ASNSD1: variants seen among roughly 807,000 people sequenced by gnomAD.
ASNSD1 encodes asparagine synthetase domain containing 1.
Under a neutral mutation model 48.3 loss-of-function variants are expected in ASNSD1, and 36 were observed. The observed-to-expected ratio is 0.75, with a 90% CI of 0.57 to 0.99. The LOEUF (loss-of-function observed/expected upper bound fraction) is 0.99, where lower values mean the gene tolerates loss of function less well. Among genes scored for constraint, ASNSD1 ranks in the 50% least tolerant of loss-of-function variants. ASNSD1 has a pLI of 0.00. For synonymous variants in ASNSD1, 257 were observed against 262.1 expected (o/e 0.98, Z 0.19); for missense variants, 714 against 758.2 (o/e 0.94, Z 0.69).
Position 189,661,473 on chromosome 2 carries a change from A to C in ASNSD1, c.-360A>C, listed in dbSNP as rs1284350146. Reference sequence around the variant, plus strand: ...GCGCATGCGCTGTGGCTAATGCCGTAGGCTCCTTCAGGGCTGAGCCATCCC... The same window carrying C: ...GCGCATGCGCTGTGGCTAATGCCGTCGGCTCCTTCAGGGCTGAGCCATCCC... On this transcript the variant is annotated 5_prime_UTR_variant, in exon 1 of 6. It removes the in-frame stop codon of an upstream open reading frame in the 5' UTR. Transcript: ENST00000260952. 2 of 399,080 alleles carry C rather than the reference A, an allele frequency of 5.0e-6. No individual in the cohort carries two copies. Among genetic ancestry groups the C allele is most frequent in the Admixed American group, 8.8e-5 (2 of 22,716 alleles). The allele number at this position is 399,080 out of a possible 1,614,324, so 24.7% of individuals were successfully genotyped here.
intron 1 of ASNSD1, among the ~76,000 whole-genome samples, 200 bp downstream of exon 1, chr2:189,661,810 GA>G (rs1402688880): frequency 6.6e-6 from 1 of 152,224 alleles, no homozygotes; most frequent in South Asian, 2.1e-4. Context: ...GGGAGATCTT[GA>G]AATTTGTCCC....
chr2:189,668,399 TC>T (rs2105688834), intron 5 of ASNSD1, among the ~76,000 whole-genome samples: 1 of 152,208 alleles, frequency 6.6e-6, no homozygotes, highest in East Asian at 1.9e-4. Context: ...TGCCTGTAGT[TC>T]CAGCTACTCG....
chr2:189,669,904 G>A (rs1206287637), intron 5 of ASNSD1, among the ~76,000 whole-genome samples: 1 of 152,122 alleles, frequency 6.6e-6, no homozygotes, highest in Non-Finnish European at 1.5e-5. Context: ...TTTACCATAA[G>A]TGTTTTGCAG....
chr2:189,669,812 A>C (rs1273388119), intron 5 of ASNSD1, among the ~76,000 whole-genome samples: 1 of 152,176 alleles, frequency 6.6e-6, no homozygotes, highest in East Asian at 1.9e-4. Flanking sequence ...AGGGGAAAAA[A>C]ATCTAATATT....
intron 3 of ASNSD1, 147 bp downstream of exon 3, chr2:189,665,598 GTATATATATA>G (rs869147580): frequency 0.086 from 1,235 of 14,434 alleles, 41 homozygotes; most frequent in African/African-American, 0.14. Context: ...ATATATATGT[GTATATATATA>G]TATATATATA....
intron 1 of ASNSD1, among the ~76,000 whole-genome samples, chr2:189,662,236 A>T (rs1191464126): frequency 6.6e-6 from 1 of 152,200 alleles, no homozygotes; most frequent in Non-Finnish European, 1.5e-5. Context: ...AAGCCAATAT[A>T]ATATAAGCCT....
intron 5 of ASNSD1, among the ~76,000 whole-genome samples, chr2:189,669,900 A>G (rs186012090): frequency 3.1e-4 from 47 of 152,320 alleles, no homozygotes; most frequent in African/African-American, 1.1e-3. Context: ...AAATTTTACC[A>G]TAAGTGTTTT....
rs755124047 is a variant in ASNSD1, at chr2:189,666,846, A to G, written c.714A>G (p.Glu238=). The G allele has an allele frequency of 1.2e-6, 2 of 1,614,138 alleles. No homozygotes were observed. The highest frequency in any genetic ancestry group is 3.3e-5 in the Admixed American group (2 of 60,026). The change falls in exon 4 of 6, where the codon GAA becomes GAG. Residue 238 remains glutamate (E), a synonymous_variant. Coordinates refer to ENST00000260952, the MANE Select transcript of ASNSD1 (RefSeq NM_019048.4). ...CAAATGAAGCCAAACTGTATCTTGA[A>G]AAACCTGTTGTTCCTTTAAATATGA... ...VVANEAKLYL[E]KPVVPLNMML... is the part of the protein sequence containing the mutation.
In ASNSD1 at chr2:189,666,808, G is replaced by C. The variant is rs1353507427; in HGVS notation, c.676G>C (p.Val226Leu). 6 of 1,613,956 alleles carry C rather than the reference G, an allele frequency of 3.7e-6. No individual in the cohort carries two copies. Among genetic ancestry groups the C allele is most frequent in the Non-Finnish European group, 5.1e-6 (6 of 1,179,958 alleles). The change falls in exon 4 of 6, where the codon GTA (valine) becomes CTA (leucine). Residue 226 changes from valine (V) to leucine (L), a missense_variant. By Grantham distance (32) the Val-to-Leu change is conservative. Coordinates refer to ENST00000260952, the MANE Select transcript of ASNSD1 (RefSeq NM_019048.4). ...SQISADLPAF[V>L]SVVANEAKLY... is the part of the protein sequence containing the mutation. Reference sequence around the variant, plus strand: ...AATTTCAGCAGACTTACCAGCATTTGTATCAGTGGTAGCAAATGAAGCCAA... The same window carrying C: ...AATTTCAGCAGACTTACCAGCATTTCTATCAGTGGTAGCAAATGAAGCCAA...
At chr2:189,663,279 G>GTTTC (rs1045218108) in intron 1 of ASNSD1, among the ~76,000 whole-genome samples, 13 of 151,540 alleles carry the variant, frequency 8.6e-5, no homozygotes, top group Non-Finnish European at 1.6e-4. Context: ...TTGAGACGGA[G>GTTTC]TTTCACTCTT....
In ASNSD1 at chr2:189,667,111, T is replaced by TC. The variant is rs756781129; in HGVS notation, c.980dup (p.Gly328TrpfsTer4). 1 of 1,614,226 alleles carries TC rather than the reference T, an allele frequency of 6.2e-7. No homozygotes were observed. The highest frequency in any genetic ancestry group is 8.5e-7 in the Non-Finnish European group (1 of 1,180,028). ...GAAAGCAAATGTTGCAATCCTGTTT[T>TC]CTGGGGGCATTGATTCCATGGTTAT... On this transcript the variant is annotated frameshift_variant, in exon 4 of 6. Coordinates refer to ENST00000260952, the MANE Select transcript of ASNSD1 (RefSeq NM_019048.4). LOFTEE classifies it high-confidence loss of function.
chr2:189,662,889 C>T (rs553662919), intron 1 of ASNSD1, among the ~76,000 whole-genome samples: 64 of 144,880 alleles, frequency 4.4e-4, no homozygotes, highest in Admixed American at 2.5e-3. Flanking sequence ...ATCAAAGCTG[C>T]AGTGAGCCGT....
chr2:189,668,556 T>A (rs2032862224), intron 5 of ASNSD1, among the ~76,000 whole-genome samples: 1 of 152,010 alleles, frequency 6.6e-6, no homozygotes, highest in Non-Finnish European at 1.5e-5. Flanking sequence ...TAAGAGAAGG[T>A]ATTTAGAGGG....
At position 189,667,177 on chromosome 2, in the gene ASNSD1, A is replaced by G. The variant is rs1161011276; in HGVS notation, c.1045A>G (p.Ile349Val). 1.2e-5 allele frequency: 19 copies of G among 1,614,218 alleles called. No individual in the cohort carries two copies. Among genetic ancestry groups the G allele is most frequent in the Middle Eastern group, 3.3e-4 (2 of 6,062 alleles). The change falls in exon 4 of 6, where the codon ATT (isoleucine) becomes GTT (valine). Residue 349 changes from isoleucine to valine, a missense_variant. Physicochemically the swap from Ile to Val is conservative, Grantham distance 29. Coordinates refer to ENST00000260952, the MANE Select transcript of ASNSD1 (RefSeq NM_019048.4). ...ADRHIPLDEP[I>V]DLLNVAFIAE... ...CCGTCATATTCCTTTAGATGAACCAATTGATCTTCTTAATGTAGCTTTCAT... is the reference window on the plus strand; with the variant it reads ...CCGTCATATTCCTTTAGATGAACCAGTTGATCTTCTTAATGTAGCTTTCAT...
rs768186476 is a variant in ASNSD1 at position 189,666,590 on chromosome 2, G to A, written c.458G>A (p.Ser153Asn). 6.2e-7 allele frequency: 1 copy of A among 1,614,122 alleles called. No individual in the cohort carries two copies. The highest frequency in any genetic ancestry group is 8.5e-7 in the Non-Finnish European group (1 of 1,180,030). Residue 153 changes from serine (S) to asparagine (N), a missense_variant, in exon 4 of 6, where the codon AGT (serine) becomes AAT (asparagine). Ser to Asn is a conservative substitution (Grantham distance 46). Coordinates refer to ENST00000260952, the MANE Select transcript of ASNSD1 (RefSeq NM_019048.4). ...LLWHFSNLGK[S>N]FCLSSVGTQT... ...TGGCATTTTAGTAATTTGGGCAAGA[G>A]TTTCTGCCTCTCTTCAGTTGGCACC...
At chr2:189,661,957 G>A (rs4531962) in intron 1 of ASNSD1, among the ~76,000 whole-genome samples, 16,555 of 152,056 alleles carry the variant, frequency 0.11, 1,388 homozygotes, top group African/African-American at 0.23. Context: ...AACCATGCCA[G>A]CAACCCGGGG....
chr2:189,669,483 T>C lies in ASNSD1; in HGVS notation c.1647-958T>C, dbSNP rs1390119476. 4.6e-5 allele frequency among the ~76,000 whole-genome samples: 7 copies of C among 152,250 alleles called. No homozygotes were observed. The East Asian group carries it at 1.3e-3, about 29-fold the overall frequency. ...AAATATAGTGGCTAGATCTAAATAA[T>C]TTATTACGTATCTTGACATACATAT... On this transcript the variant is annotated intron_variant, in intron 5 of 5. Coordinates refer to ENST00000260952, the MANE Select transcript of ASNSD1 (RefSeq NM_019048.4).
intron 5 of ASNSD1, among the ~76,000 whole-genome samples, chr2:189,668,738 T>C (rs965146885): frequency 1.3e-5 from 2 of 152,230 alleles, no homozygotes. Flanking sequence ...GCCACGTTTT[T>C]TGAACACAAT....
chr2:189,667,433 T>C lies in ASNSD1; in HGVS notation c.1301T>C (p.Met434Thr), dbSNP rs35137531. ...IWNFVEINVS[M>T]EELQKLRRTR... is the part of the protein sequence containing the mutation. ...AATTTTGTTGAAATTAATGTTTCTA[T>C]GGAAGAACTGCAGAAATTAAGAAGA... The change falls in exon 4 of 6, where the codon ATG (methionine) becomes ACG (threonine). Residue 434 changes from methionine to threonine, a missense_variant. Physicochemically the swap from Met to Thr is moderately conservative, Grantham distance 81. Transcript: ENST00000260952. 2,907 of 1,614,212 alleles carry C rather than the reference T, an allele frequency of 1.8e-3. 57 individuals carry two copies. In the African/African-American group the frequency reaches 0.035, roughly 19 times the overall value.
Sources: gnomAD v4.1 joint callset for allele counts (sites outside exome capture counted in the v4.1 genomes callset) on GRCh38, gnomAD v4.1.1 for gene constraint, MANE v1.5 for transcripts, NCBI Gene and HGNC (gene_info 2026-07-23, HGNC 2026-07-21) for gene names.